NRXN1: variants seen among roughly 807,000 people sequenced by gnomAD.
NRXN1 encodes the protein neurexin-1.
NRXN1 carries 39 observed loss-of-function variants against 150.9 expected under a neutral mutation model. The observed-to-expected ratio is 0.26, with a 90% CI of 0.20 to 0.34. The LOEUF is 0.34. NRXN1 is among the 10% of genes least tolerant of loss of function. The pLI, the probability that NRXN1 is intolerant of heterozygous loss-of-function variation, is 1.00. For missense variants in NRXN1, 1,815 were observed against 1,949.9 expected (o/e 0.93, Z 1.30); for synonymous variants, 924 against 757.0 (o/e 1.22, Z -3.62).
At chr2:50,984,955 ATAGT>A (rs1228144030) in intron 2 of NRXN1, among the ~76,000 whole-genome samples, 1 of 152,070 alleles carries the variant, frequency 6.6e-6, no homozygotes, top group Non-Finnish European at 1.5e-5. Flanking sequence ...ATTTCACCAA[ATAGT>A]TACTGGGAGA....
intron 5 of NRXN1, among the ~76,000 whole-genome samples, chr2:50,740,626 T>C (rs1295255349): frequency 1.3e-5 from 2 of 152,196 alleles, no homozygotes; most frequent in Non-Finnish European, 2.9e-5. Context: ...TGTGTACGTA[T>C]ATAAAATGGT....
chr2:50,308,918 G>A (rs2074911222), intron 17 of NRXN1, among the ~76,000 whole-genome samples: 1 of 152,154 alleles, frequency 6.6e-6, no homozygotes, highest in African/African-American at 2.4e-5. Context: ...AATGGGGATA[G>A]GTTGATAATC....
At chr2:50,150,839 A>G (rs933523995) in intron 18 of NRXN1, among the ~76,000 whole-genome samples, 3 of 151,694 alleles carry the variant, frequency 2.0e-5, no homozygotes, top group African/African-American at 7.3e-5. Flanking sequence ...ATTGAGGAGT[A>G]GGCTCAAACT....
chr2:50,819,408 A>G (rs1669391743), intron 5 of NRXN1, among the ~76,000 whole-genome samples: 1 of 152,162 alleles, frequency 6.6e-6, no homozygotes, highest in Non-Finnish European at 1.5e-5. Flanking sequence ...TATCATGCTA[A>G]GTGAAAGAAA....
chr2:50,369,192 TG>T lies in NRXN1; in HGVS notation c.3364+96249del, dbSNP rs149907669. On this transcript the variant is annotated intron_variant, in intron 17 of 22. Transcript: ENST00000401669. ...TGTCTAGCTCAGAGAAAGAGGTGAG[TG>T]GTGAGAAAAATCACAGCAACTGCAG... Among the ~76,000 whole-genome samples, 1,118 of 151,784 alleles carry T rather than the reference TG, an allele frequency of 7.4e-3. 21 individuals are homozygous for T. The highest frequency in any genetic ancestry group is 0.026 in the African/African-American group (1,061 of 41,438).
At chr2:50,147,072 TG>T (rs1708112853) in intron 18 of NRXN1, among the ~76,000 whole-genome samples, 1 of 151,732 alleles carries the variant, frequency 6.6e-6, no homozygotes. Context: ...CTCTGATTGG[TG>T]GGTCCTCTAT....
At chr2:50,258,761 C>T (rs959571744) in intron 17 of NRXN1, among the ~76,000 whole-genome samples, 1 of 151,956 alleles carries the variant, frequency 6.6e-6, no homozygotes, top group Admixed American at 6.6e-5. Flanking sequence ...TTAAATAAGG[C>T]TTGAAAGTTG....
intron 18 of NRXN1, among the ~76,000 whole-genome samples, chr2:50,119,778 T>A (rs1013817388): frequency 1.3e-5 from 2 of 152,166 alleles, no homozygotes; most frequent in Non-Finnish European, 2.9e-5. Flanking sequence ...ACCTAAACTA[T>A]CTGTTTTAGT....
intron 10 of NRXN1, among the ~76,000 whole-genome samples, chr2:50,537,837 C>T (rs1383036869): frequency 6.6e-6 from 1 of 152,168 alleles, no homozygotes; most frequent in Non-Finnish European, 1.5e-5. Context: ...GAAGTTGCAA[C>T]TCATAGCTTA....
At chr2:50,744,146 G>T (rs1001392781) in intron 5 of NRXN1, among the ~76,000 whole-genome samples, 1 of 152,078 alleles carries the variant, frequency 6.6e-6, no homozygotes, top group African/African-American at 2.4e-5. Context: ...TAAAATATAA[G>T]CTGTGTCTTT....
chr2:51,031,179 G>A (rs893556072), intron 1 of NRXN1, among the ~76,000 whole-genome samples: 6 of 152,012 alleles, frequency 3.9e-5, no homozygotes, highest in Admixed American at 3.3e-4. Flanking sequence ...CTCTCTAGGT[G>A]CCAGAAAGAC....
At chr2:50,261,777 A>G (rs1185342388) in intron 17 of NRXN1, among the ~76,000 whole-genome samples, 1 of 151,882 alleles carries the variant, frequency 6.6e-6, no homozygotes, top group Non-Finnish European at 1.5e-5. Context: ...CTCTAAATTC[A>G]TTAATAAATT....
chr2:49,961,042 A>C (rs1359528062), intron 21 of NRXN1, among the ~76,000 whole-genome samples: 2 of 152,132 alleles, frequency 1.3e-5, no homozygotes, highest in South Asian at 4.1e-4. Flanking sequence ...AATTAAATAA[A>C]TGATTTATTT....
chr2:50,565,400 T>C (rs980244252), intron 8 of NRXN1, among the ~76,000 whole-genome samples: 5 of 152,110 alleles, frequency 3.3e-5, no homozygotes, highest in African/African-American at 9.7e-5. Flanking sequence ...AAAAAAATCA[T>C]TGAATATTTT....
intron 5 of NRXN1, among the ~76,000 whole-genome samples, chr2:50,770,104 G>A (rs886204468): frequency 2.6e-5 from 4 of 152,046 alleles, no homozygotes; most frequent in African/African-American, 9.7e-5. Flanking sequence ...ATTTGGTTTT[G>A]TTGCCCTTGA....
chr2:50,231,132 A>G (rs2064900046), intron 18 of NRXN1, among the ~76,000 whole-genome samples: 1 of 152,134 alleles, frequency 6.6e-6, no homozygotes, highest in Admixed American at 6.6e-5. Flanking sequence ...GATTTACAGG[A>G]CTGAATCTGA....
chr2:50,733,602 T>G (rs1057190766), intron 5 of NRXN1, among the ~76,000 whole-genome samples: 2 of 152,128 alleles, frequency 1.3e-5, no homozygotes, highest in African/African-American at 4.8e-5. Context: ...ACAACCATAA[T>G]TTATTATTTT....
chr2:50,130,788 C>A (rs1040594652), intron 18 of NRXN1, among the ~76,000 whole-genome samples: 4 of 152,166 alleles, frequency 2.6e-5, no homozygotes, highest in African/African-American at 9.7e-5. Context: ...CATTTATCAT[C>A]TGCTGAAGTA....
intron 21 of NRXN1, among the ~76,000 whole-genome samples, chr2:49,964,683 T>C (rs972979088): frequency 2.0e-5 from 3 of 151,522 alleles, no homozygotes; most frequent in African/African-American, 7.3e-5. Context: ...CTACTAAAAA[T>C]ACGAAAAATT....
Sources: allele counts gnomAD v4.1 joint callset (sites outside exome capture counted in the v4.1 genomes callset), GRCh38; gene constraint gnomAD v4.1.1; transcripts MANE v1.5; gene names NCBI Gene and HGNC (gene_info 2026-07-23, HGNC 2026-07-21).